The following NALF1 variants were observed in gnomAD, a reference collection of about 807,000 sequenced individuals.
NALF1 encodes family with sequence similarity 155 member A.
Under a neutral mutation model 48.4 loss-of-function variants are expected in NALF1, and 3 were observed. The ratio of observed to expected loss-of-function variants is 0.06; its 90% CI spans 0.03 to 0.16. The LOEUF is 0.16. Among genes scored for constraint, NALF1 ranks in the 10% least tolerant of loss-of-function variants. The pLI is 1.00. For synonymous variants in NALF1, 262 were observed against 245.7 expected (o/e 1.07, Z -0.62); for missense variants, 526 against 571.5 (o/e 0.92, Z 0.81).
intron 1 of NALF1, among the ~76,000 whole-genome samples, chr13:107,746,139 T>A (rs1217904165): frequency 6.6e-6 from 1 of 152,224 alleles, no homozygotes; most frequent in Non-Finnish European, 1.5e-5. Flanking sequence ...AATTTATTGT[T>A]AATTTATGTA....
At chr13:107,699,618 T>C (rs1594213997) in intron 1 of NALF1, among the ~76,000 whole-genome samples, 2 of 152,070 alleles carry the variant, frequency 1.3e-5, no homozygotes, top group East Asian at 3.9e-4. Context: ...TTATGTCCAG[T>C]TGAAACTGGC....
At chr13:107,584,098 G>A (rs948781944) in intron 1 of NALF1, among the ~76,000 whole-genome samples, 12 of 152,176 alleles carry the variant, frequency 7.9e-5, no homozygotes, top group African/African-American at 1.4e-4. Context: ...ATGGAAAATC[G>A]TTTAAAAATG....
chr13:107,696,750 C>A (rs1881709460), intron 1 of NALF1, among the ~76,000 whole-genome samples: 1 of 152,108 alleles, frequency 6.6e-6, no homozygotes, highest in Non-Finnish European at 1.5e-5. Context: ...TTTCAGTTTT[C>A]TAATTTAGAT....
chr13:107,444,230 T>A (rs2139028912), intron 1 of NALF1, among the ~76,000 whole-genome samples: 1 of 152,300 alleles, frequency 6.6e-6, no homozygotes, highest in South Asian at 2.1e-4. Context: ...TTTTATGCAA[T>A]GCAAACATAA....
intron 1 of NALF1, among the ~76,000 whole-genome samples, chr13:107,769,952 A>G (rs1200573894): frequency 2.0e-5 from 3 of 152,086 alleles, no homozygotes; most frequent in African/African-American, 7.2e-5. Context: ...TCGCTCTGTC[A>G]CCCAGGCTAG....
intron 1 of NALF1, among the ~76,000 whole-genome samples, chr13:107,231,792 G>A (rs886267669): frequency 6.6e-6 from 1 of 152,208 alleles, no homozygotes; most frequent in African/African-American, 2.4e-5. Context: ...TGAAGTTAAA[G>A]GGGAAGGAGA....
intron 1 of NALF1, among the ~76,000 whole-genome samples, chr13:107,421,358 A>G (rs533683775): frequency 1.6e-4 from 24 of 152,208 alleles, no homozygotes; most frequent in Non-Finnish European, 2.9e-4. Flanking sequence ...CCAGATAATC[A>G]TAGTTTCATA....
intron 1 of NALF1, among the ~76,000 whole-genome samples, chr13:107,288,778 T>C (rs1302404929): frequency 1.4e-5 from 2 of 139,152 alleles, no homozygotes; most frequent in Non-Finnish European, 1.6e-5. Flanking sequence ...GGTGATCCAC[T>C]CGCCTCGGCC....
chr13:107,195,287 G>A (rs1879366775), intron 2 of NALF1, among the ~76,000 whole-genome samples: 1 of 152,100 alleles, frequency 6.6e-6, no homozygotes, highest in Non-Finnish European at 1.5e-5. Flanking sequence ...TTAAAATTTA[G>A]AAAATTGTCT....
chr13:107,297,009 A>C (rs1431214896), intron 1 of NALF1, among the ~76,000 whole-genome samples: 1 of 150,832 alleles, frequency 6.6e-6, no homozygotes, highest in Non-Finnish European at 1.5e-5. Context: ...TACATAGATT[A>C]GAGTTTTTTT....
chr13:107,263,435 G>C (rs1304598751), intron 1 of NALF1, among the ~76,000 whole-genome samples: 2 of 152,058 alleles, frequency 1.3e-5, no homozygotes, highest in African/African-American at 4.8e-5. Context: ...TTTATTAATG[G>C]TTGATACGGT....
chr13:107,476,676 C>T (rs988534213), intron 1 of NALF1, among the ~76,000 whole-genome samples: 1 of 151,696 alleles, frequency 6.6e-6, no homozygotes, highest in Non-Finnish European at 1.5e-5. Flanking sequence ...ATAAATACAC[C>T]TCACTTGCAA....
chr13:107,789,231 T>C (rs1486471172), intron 1 of NALF1: 1 of 152,240 alleles, frequency 6.6e-6, no homozygotes, highest in African/African-American at 2.4e-5. Flanking sequence ...TTTTAGTGGC[T>C]TGGCTTGAAT....
chr13:107,322,784 G>A lies in NALF1; in HGVS notation c.916-112029C>T, dbSNP rs573692825. 2.0e-5 allele frequency among the ~76,000 whole-genome samples: 3 copies of A among 152,252 alleles called. No individual in the cohort carries two copies. In the South Asian group the frequency reaches 6.2e-4, roughly 32 times the overall value. ...TTCTGTAAGGAAGGAGACAGGCAAA[G>A]TGGAGGCTGAGTTGCTTTACCATTC... On this transcript the variant is annotated intron_variant, in intron 1 of 2. Coordinates refer to ENST00000375915, the MANE Select transcript of NALF1 (RefSeq NM_001080396.3).
chr13:107,718,332 A>G (rs186041229), intron 1 of NALF1, among the ~76,000 whole-genome samples: 2 of 152,306 alleles, frequency 1.3e-5, no homozygotes, highest in African/African-American at 4.8e-5. Context: ...TCCTCGTCAT[A>G]CCATCACAGT....
intron 1 of NALF1, among the ~76,000 whole-genome samples, chr13:107,313,375 T>C (rs1175477576): frequency 6.6e-6 from 1 of 152,134 alleles, no homozygotes; most frequent in Non-Finnish European, 1.5e-5. Flanking sequence ...CAGGGAACTA[T>C]GTCAGGCAAA....
At chr13:107,225,646 C>T (rs1174982064) in intron 1 of NALF1, among the ~76,000 whole-genome samples, 1 of 152,034 alleles carries the variant, frequency 6.6e-6, no homozygotes, top group African/African-American at 2.4e-5. Flanking sequence ...TGGGGTGGGA[C>T]CCAGACAATC....
intron 1 of NALF1, among the ~76,000 whole-genome samples, chr13:107,473,870 C>T (rs536827578): frequency 2.0e-5 from 3 of 152,250 alleles, no homozygotes; most frequent in East Asian, 1.9e-4. Flanking sequence ...CTGTTGGCTC[C>T]GGTGATGACA....
chr13:107,286,738 A>G (rs1194852143), intron 1 of NALF1, among the ~76,000 whole-genome samples: 2 of 152,228 alleles, frequency 1.3e-5, no homozygotes, highest in Admixed American at 6.5e-5. Flanking sequence ...TACATGGATG[A>G]AACTTTGACA....
Sources: gnomAD v4.1 joint callset for allele counts (sites outside exome capture counted in the v4.1 genomes callset) on GRCh38, gnomAD v4.1.1 for gene constraint, MANE v1.5 for transcripts, NCBI Gene and HGNC (gene_info 2026-07-23, HGNC 2026-07-21) for gene names.